The following FHIT variants were observed in gnomAD, a reference collection of about 807,000 sequenced individuals.
FHIT encodes bis(5'-adenosyl)-triphosphatase.
A neutral mutation model predicts 17.9 loss-of-function variants in FHIT; 19 were observed. The observed-to-expected ratio is 1.06, with a 90% CI of 0.74 to 1.56. The LOEUF (loss-of-function observed/expected upper bound fraction) is 1.56. FHIT is among the 40% of genes most tolerant of loss of function. The pLI is 0.00. For synonymous variants in FHIT, 81 were observed against 69.7 expected (o/e 1.16, Z -0.81); for missense variants, 248 against 189.2 (o/e 1.31, Z -1.82).
chr3:60,039,900 G>A (rs954865416), intron 5 of FHIT, among the ~76,000 whole-genome samples: 1 of 152,166 alleles, frequency 6.6e-6, no homozygotes, highest in Non-Finnish European at 1.5e-5. Flanking sequence ...AAGAAATTAT[G>A]AGTTCACAAA....
chr3:60,311,251 G>A (rs866132966), intron 5 of FHIT, among the ~76,000 whole-genome samples: 1 of 30,112 alleles, frequency 3.3e-5, no homozygotes, highest in African/African-American at 1.8e-4. Context: ...CTACCCCAAC[G>A]TGTGTGTGTG....
At chr3:59,798,712 C>T (rs1395816710) in intron 8 of FHIT, among the ~76,000 whole-genome samples, 1 of 152,248 alleles carries the variant, frequency 6.6e-6, no homozygotes, top group Non-Finnish European at 1.5e-5. Context: ...TGGTTCCCAA[C>T]AGGATGACCA....
At chr3:60,847,821 A>AT (rs1246633661) in intron 3 of FHIT, among the ~76,000 whole-genome samples, 4 of 151,986 alleles carry the variant, frequency 2.6e-5, no homozygotes, top group African/African-American at 7.2e-5. Context: ...TGATACACTC[A>AT]TTTTTTTTGG....
At chr3:60,564,426 CTTATTAA>C (rs1291495790) in intron 4 of FHIT, among the ~76,000 whole-genome samples, 4 of 152,108 alleles carry the variant, frequency 2.6e-5, no homozygotes, top group African/African-American at 9.7e-5. Context: ...ACTTTCAAGT[CTTATTAA>C]TTAAATACAT....
chr3:60,954,761 G>A (rs150101819), intron 3 of FHIT, among the ~76,000 whole-genome samples: 1 of 152,274 alleles, frequency 6.6e-6, no homozygotes, highest in African/African-American at 2.4e-5. Context: ...GATCATAGAA[G>A]GGGAGGCAGA....
chr3:61,070,928 T>A (rs555499772), intron 2 of FHIT, among the ~76,000 whole-genome samples: 59 of 152,322 alleles, frequency 3.9e-4, no homozygotes, highest in Non-Finnish European at 1.6e-4. Flanking sequence ...TCATAAAAGT[T>A]AAAATTATTT....
intron 4 of FHIT, among the ~76,000 whole-genome samples, chr3:60,772,445 A>C (rs953638401): frequency 4.6e-5 from 7 of 152,006 alleles, no homozygotes; most frequent in Non-Finnish European, 8.8e-5. Context: ...TTTCATGGAA[A>C]AATAATAGGG....
At chr3:60,871,010 T>A (rs2107065069) in intron 3 of FHIT, among the ~76,000 whole-genome samples, 1 of 152,212 alleles carries the variant, frequency 6.6e-6, no homozygotes, top group East Asian at 1.9e-4. Flanking sequence ...TAATTAAATT[T>A]TCTAAAAAGA....
intron 8 of FHIT, among the ~76,000 whole-genome samples, chr3:59,839,938 C>G (rs1247011781): frequency 6.6e-6 from 1 of 152,210 alleles, no homozygotes; most frequent in Non-Finnish European, 1.5e-5. Context: ...TTAAACCTCA[C>G]TCTTAAAGAT....
chr3:59,747,932 TAATCTTAAGTG>T lies in FHIT; in HGVS notation c.*1642_*1652del, dbSNP rs2106704030. 1.3e-5 allele frequency among the ~76,000 whole-genome samples: 2 copies of T among 152,276 alleles called. No individual in the cohort carries two copies. Among genetic ancestry groups the T allele is most frequent in the African/African-American group, 4.8e-5 (2 of 41,548 alleles). On this transcript the variant is annotated 3_prime_UTR_variant, in exon 10 of 10. Transcript: ENST00000492590. Reference sequence around the variant, plus strand: ...GAGTCAGTCATATTCCTGTTTAAGATAATCTTAAGTGATCTACATTGAATCTCTCAGTAGGT... The same window carrying T: ...GAGTCAGTCATATTCCTGTTTAAGATATCTACATTGAATCTCTCAGTAGGT...
At chr3:60,374,807 T>A (rs1448223027) in intron 5 of FHIT, among the ~76,000 whole-genome samples, 1 of 152,124 alleles carries the variant, frequency 6.6e-6, no homozygotes, top group Non-Finnish European at 1.5e-5. Context: ...GTTGTGTGGC[T>A]GTGTGTTTTT....
intron 7 of FHIT, among the ~76,000 whole-genome samples, chr3:59,988,630 T>C (rs536832669): frequency 9.4e-4 from 143 of 152,136 alleles, no homozygotes; most frequent in African/African-American, 3.4e-3. Flanking sequence ...GAGCTTACAG[T>C]CTCCTGGTGA....
intron 8 of FHIT, among the ~76,000 whole-genome samples, chr3:59,784,795 C>T (rs527557753): frequency 6.6e-6 from 1 of 152,280 alleles, no homozygotes; most frequent in Non-Finnish European, 1.5e-5. Flanking sequence ...ATCTAGTTGG[C>T]ATTTAATAAT....
intron 5 of FHIT, among the ~76,000 whole-genome samples, chr3:60,531,274 C>CTTT (rs5741620): frequency 1.0e-3 from 84 of 83,124 alleles, no homozygotes; most frequent in Non-Finnish European, 1.6e-3. Context: ...GAAAAGAACT[C>CTTT]TTTTTTTTTT....
chr3:60,466,828 T>G (rs545684103), intron 5 of FHIT, among the ~76,000 whole-genome samples: 36 of 151,016 alleles, frequency 2.4e-4, no homozygotes, highest in African/African-American at 8.5e-4. Context: ...CTGCAGTTTT[T>G]TTTTTTTTTT....
chr3:60,103,684 T>G (rs1362384356), intron 5 of FHIT, among the ~76,000 whole-genome samples: 1 of 152,202 alleles, frequency 6.6e-6, no homozygotes, highest in Non-Finnish European at 1.5e-5. Flanking sequence ...AGAATCTTTA[T>G]GGCTTGCTAC....
At chr3:60,604,391 C>T (rs73836616) in intron 4 of FHIT, among the ~76,000 whole-genome samples, 1,652 of 152,224 alleles carry the variant, frequency 0.011, 32 homozygotes, top group African/African-American at 0.036. Context: ...CATATGCTAA[C>T]AAAGAAATCA....
At position 60,489,893 on chromosome 3, in the gene FHIT, C is replaced by A. The variant is rs1360495688; in HGVS notation, c.103+46967G>T. On this transcript the variant is annotated intron_variant, in intron 5 of 9. Transcript: ENST00000492590. ...AGGCACTGAACAGGAGGCTCCAAAC[C>A]AAGTCATCTGCTTGGAGTTTTTATT... Among the ~76,000 whole-genome samples, 4 of 151,950 alleles carry A rather than the reference C, an allele frequency of 2.6e-5. No homozygotes were observed. The East Asian group carries it at 5.8e-4, about 22-fold the overall frequency.
chr3:60,214,686 ATCTT>A (rs2107523237), intron 5 of FHIT, among the ~76,000 whole-genome samples: 1 of 152,298 alleles, frequency 6.6e-6, no homozygotes, highest in Non-Finnish European at 1.5e-5. Context: ...AGGAAAATAA[ATCTT>A]TCTGCCAAAA....
Sources: gnomAD v4.1 joint callset for allele counts (sites outside exome capture counted in the v4.1 genomes callset) on GRCh38, gnomAD v4.1.1 for gene constraint, MANE v1.5 for transcripts, NCBI Gene and HGNC (gene_info 2026-07-23, HGNC 2026-07-21) for gene names.